Variants in GABRB3 observed in about 807,000 individuals in gnomAD.
The protein encoded by GABRB3 is gamma-aminobutyric acid receptor subunit beta-3.
In GABRB3, 14 loss-of-function variants were observed where a neutral mutation model predicts 52.1. The observed-to-expected ratio is 0.27, with a 90% CI of 0.18 to 0.42. GABRB3 has a LOEUF of 0.42. GABRB3 is among the 10% of genes least tolerant of loss of function. The pLI is 1.00. For synonymous variants in GABRB3, 260 were observed against 232.3 expected, an observed-to-expected ratio of 1.12 and a Z score of -1.08; for missense variants, 307 against 609.1, an observed-to-expected ratio of 0.50 and a Z score of 5.22.
intron 3 of GABRB3, among the ~76,000 whole-genome samples, chr15:26,745,630 T>C (rs1047367860): frequency 1.3e-5 from 2 of 152,220 alleles, no homozygotes; most frequent in African/African-American, 4.8e-5. Context: ...ACACCCCTCC[T>C]CCACTGGCCT....
At chr15:26,550,689 T>C (rs1444715218) in intron 8 of GABRB3, among the ~76,000 whole-genome samples, 1 of 145,322 alleles carries the variant, frequency 6.9e-6, no homozygotes, top group East Asian at 1.9e-4. Context: ...TGAATGATTC[T>C]GGAAGCACAG....
intron 4 of GABRB3, among the ~76,000 whole-genome samples, chr15:26,607,475 G>T (rs1393506814): frequency 4.6e-5 from 7 of 152,014 alleles, no homozygotes; most frequent in Non-Finnish European, 8.8e-5. Flanking sequence ...TGGAGCCTGA[G>T]GTGGGCAGAT....
intron 8 of GABRB3, among the ~76,000 whole-genome samples, chr15:26,555,751 A>T (rs1186338908): frequency 6.6e-6 from 1 of 152,164 alleles, no homozygotes; most frequent in African/African-American, 2.4e-5. Context: ...AGTGCAGGTA[A>T]CTCTCATTCT....
At chr15:26,761,337 G>A (rs1190644598) in intron 3 of GABRB3, among the ~76,000 whole-genome samples, 1 of 151,828 alleles carries the variant, frequency 6.6e-6, no homozygotes, top group Admixed American at 6.6e-5. Context: ...TGAGGTTGCA[G>A]TGAGTCAAGA....
chr15:26,753,301 G>A (rs984115471), intron 3 of GABRB3, among the ~76,000 whole-genome samples: 2 of 152,266 alleles, frequency 1.3e-5, no homozygotes, highest in South Asian at 2.1e-4. Flanking sequence ...AAGAAGAATC[G>A]ACTGATAATA....
intron 3 of GABRB3, among the ~76,000 whole-genome samples, chr15:26,630,464 A>C (rs1386301437): frequency 6.6e-6 from 1 of 152,218 alleles, no homozygotes; most frequent in Non-Finnish European, 1.5e-5. Flanking sequence ...AGTGGTTTGA[A>C]CTATTACAGT....
At chr15:26,642,392 A>C (rs1364024523) in intron 3 of GABRB3, 2 of 993,980 alleles carry the variant, frequency 2.0e-6, no homozygotes, top group African/African-American at 1.7e-5. Flanking sequence ...CAATCCCCTG[A>C]ATATACTGAG....
intron 4 of GABRB3, among the ~76,000 whole-genome samples, chr15:26,591,327 T>G (rs1285186600): frequency 6.6e-6 from 1 of 152,222 alleles, no homozygotes; most frequent in African/African-American, 2.4e-5. Context: ...GATCACAACC[T>G]GATACTTCTG....
intron 3 of GABRB3, chr15:26,629,312 T>A: frequency 1.4e-6 from 1 of 700,036 alleles, no homozygotes. Context: ...GGAAAAGGCG[T>A]GGCCCAGCTC....
chr15:26,599,839 C>A (rs1019368965), intron 4 of GABRB3, among the ~76,000 whole-genome samples: 1 of 152,020 alleles, frequency 6.6e-6, no homozygotes, highest in Non-Finnish European at 1.5e-5. Flanking sequence ...TAAAAAGAAT[C>A]GAGAAATCAT....
intron 3 of GABRB3, among the ~76,000 whole-genome samples, chr15:26,763,607 T>TACACACACACACACACACACACACAC (rs150301275): frequency 3.0e-4 from 44 of 145,856 alleles, no homozygotes; most frequent in Admixed American, 1.6e-3. Context: ...TCTGCATAGA[T>TACACACACACACACACACACACACAC]ACACACACAC....
intron 3 of GABRB3, among the ~76,000 whole-genome samples, chr15:26,710,016 T>G (rs1889243181): frequency 6.6e-6 from 1 of 152,330 alleles, no homozygotes. Context: ...TTGCCTTTCT[T>G]ATATAAATGG....
At chr15:26,688,952 C>A (rs1187194425) in intron 3 of GABRB3, among the ~76,000 whole-genome samples, 2 of 152,180 alleles carry the variant, frequency 1.3e-5, no homozygotes, top group South Asian at 2.1e-4. Flanking sequence ...TTATGCAGAT[C>A]CTAAAGCAGG....
Position 26,606,821 on chromosome 15 carries a change from G to GATATATCT in GABRB3, c.461+14492_461+14493insAGATATAT, listed in dbSNP as rs1891849535. Among the ~76,000 whole-genome samples the GATATATCT allele has an allele frequency of 2.8e-4, 12 of 42,362 alleles. No individual in the cohort carries two copies. The East Asian group carries it at 0.022, about 78-fold the overall frequency. The allele number at this position is 42,362 out of a possible 152,430, so 27.8% of individuals were successfully genotyped here. On this transcript the variant is annotated intron_variant, in intron 4 of 8. Transcript: ENST00000311550. The stretch of plus-strand genomic sequence containing the variant: ...AGATATATCTATAGATAGATAGATA[G>GATATATCT]ATAGATAGATAGATAGATAGATATG...
chr15:26,548,086 C>T lies in GABRB3; in HGVS notation c.1129G>A (p.Glu377Lys). Residue 377 changes from glutamate (E) to lysine (K), a missense_variant, in exon 9 of 9, where the codon GAA becomes AAA. Around this residue, in one of 6 missense-constraint regions of GABRB3, gnomAD observed 115 missense variants for 166.9 expected, o/e 0.69. Transcript: ENST00000311550. ...ATGCCGCCTGAGACCTCATTCATTT[C>T]ATTGTGAACTTCCAGCGATGTCAAC... ...ILLTSLEVHN[E>K]MNEVSGGIGD... The T allele has an allele frequency of 6.2e-7, 1 of 1,614,180 alleles. No individual in the cohort carries two copies.
chr15:26,664,942 C>T (rs1408725838), intron 3 of GABRB3, among the ~76,000 whole-genome samples: 1 of 151,932 alleles, frequency 6.6e-6, no homozygotes, highest in East Asian at 1.9e-4. Context: ...TCAGGTGATC[C>T]ACCCACCTTG....
At chr15:26,655,184 T>C (rs992778787) in intron 3 of GABRB3, among the ~76,000 whole-genome samples, 2 of 152,214 alleles carry the variant, frequency 1.3e-5, no homozygotes, top group African/African-American at 2.4e-5. Context: ...ATCATGCTTA[T>C]ATTGAATTTT....
At chr15:26,565,558 T>C (rs1403974942) in intron 7 of GABRB3, among the ~76,000 whole-genome samples, 1 of 152,204 alleles carries the variant, frequency 6.6e-6, no homozygotes, top group Non-Finnish European at 1.5e-5. Flanking sequence ...ACAGTTTGTT[T>C]ATATTAATAA....
intron 7 of GABRB3, among the ~76,000 whole-genome samples, chr15:26,564,847 C>G (rs1890108033): frequency 6.6e-6 from 1 of 152,176 alleles, no homozygotes; most frequent in Non-Finnish European, 1.5e-5. Flanking sequence ...ATGACTTTTA[C>G]AACATAGTAG....
Sources: gnomAD v4.1 joint callset for allele counts (sites outside exome capture counted in the v4.1 genomes callset) on GRCh38, gnomAD v4.1.1 for gene constraint, gnomAD v4.1.1 regional missense constraint, MANE v1.5 for transcripts, NCBI Gene and HGNC (gene_info 2026-07-23, HGNC 2026-07-21) for gene names.